GRB10: variants seen among roughly 807,000 people sequenced by gnomAD.
GRB10 encodes the protein growth factor receptor bound protein 10.
Under a neutral mutation model 80.9 loss-of-function variants are expected in GRB10, and 20 were observed. The ratio of observed to expected loss-of-function variants is 0.25; its 90% CI spans 0.17 to 0.36. The LOEUF is 0.36. Ranked by LOEUF, GRB10 falls within the 10% of genes least tolerant of loss-of-function variation. The pLI, the probability that GRB10 is intolerant of heterozygous loss-of-function variation, is 1.00. For missense variants in GRB10, 548 were observed against 747.7 expected (o/e 0.73, Z 3.12); for synonymous variants, 291 against 291.5 (o/e 1.00, Z 0.02).
rs181559438 is a variant in GRB10, at chr7:50,751,882, C to T, written c.-47+4005G>A. On this transcript the variant is annotated intron_variant, in intron 3 of 18. Transcript: ENST00000401949. ...GAATTAGTGAATGGTGAGTCTTTGG[C>T]CCTAGGGGAAATACAGAGTTAGGTT... Among the ~76,000 whole-genome samples, 6 of 152,288 alleles carry T rather than the reference C, an allele frequency of 3.9e-5. No homozygotes were observed. The East Asian group carries it at 1.2e-3, about 29-fold the overall frequency.
intron 6 of GRB10, among the ~76,000 whole-genome samples, chr7:50,670,740 T>C (rs2060274409): frequency 6.6e-6 from 1 of 152,166 alleles, no homozygotes; most frequent in Non-Finnish European, 1.5e-5. Context: ...CAAATGAAAA[T>C]ACAAGAAAAG....
chr7:50,787,594 C>A (rs942683790), upstream of GRB10, among the ~76,000 whole-genome samples: 1 of 151,986 alleles, frequency 6.6e-6, no homozygotes, highest in African/African-American at 2.4e-5. Flanking sequence ...ACAGGGACAG[C>A]CTGTGTCCAC....
chr7:50,657,106 A>G (rs1401023926), intron 7 of GRB10, among the ~76,000 whole-genome samples: 1 of 152,256 alleles, frequency 6.6e-6, no homozygotes, highest in Non-Finnish European at 1.5e-5. Context: ...GACCACACTA[A>G]GAAACACAGA....
intron 7 of GRB10, among the ~76,000 whole-genome samples, chr7:50,656,889 TA>T (rs1323934307): frequency 3.9e-5 from 6 of 152,198 alleles, no homozygotes; most frequent in African/African-American, 1.4e-4. Context: ...CTCAACCTTT[TA>T]GTAGGAATCT....
intron 7 of GRB10, among the ~76,000 whole-genome samples, chr7:50,641,289 G>A (rs1191834470): frequency 2.6e-5 from 4 of 151,758 alleles, no homozygotes; most frequent in Non-Finnish European, 5.9e-5. Flanking sequence ...TGGGGGGGTA[G>A]CCTTCATTCA....
At chr7:50,703,091 C>G (rs1039758997) in intron 5 of GRB10, among the ~76,000 whole-genome samples, 5 of 152,244 alleles carry the variant, frequency 3.3e-5, no homozygotes, top group Non-Finnish European at 5.9e-5. Context: ...TTTTATGAAT[C>G]TTCTAACAAT....
intron 11 of GRB10, 145 bp from the exon 12 acceptor site, chr7:50,615,025 G>A (rs2050319764): frequency 1.5e-6 from 1 of 689,656 alleles, no homozygotes; most frequent in Non-Finnish European, 2.7e-6. Context: ...ATTACGCGAG[G>A]TGTAATAAGT....
At chr7:50,710,103 C>A (rs183453709) in intron 4 of GRB10, among the ~76,000 whole-genome samples, 1 of 152,220 alleles carries the variant, frequency 6.6e-6, no homozygotes, top group African/African-American at 2.4e-5. Flanking sequence ...CTCTGACAAC[C>A]CCAACGAAAA....
At chr7:50,652,275 T>C (rs894861932) in intron 7 of GRB10, among the ~76,000 whole-genome samples, 1 of 152,196 alleles carries the variant, frequency 6.6e-6, no homozygotes, top group Non-Finnish European at 1.5e-5. Context: ...ACCCGTTAAG[T>C]ACCTGAGACC....
intron 5 of GRB10, among the ~76,000 whole-genome samples, chr7:50,679,775 T>C (rs774396454): frequency 1.1e-4 from 16 of 152,220 alleles, no homozygotes; most frequent in Non-Finnish European, 2.4e-4. Context: ...CTCTAACACA[T>C]GTGCAAAAGC....
intron 7 of GRB10, among the ~76,000 whole-genome samples, chr7:50,638,334 T>C (rs1249500343): frequency 6.6e-6 from 1 of 152,076 alleles, no homozygotes; most frequent in East Asian, 1.9e-4. Context: ...GAGAAAATAT[T>C]TGCAAATTAT....
In GRB10 at chr7:50,592,686, C is replaced by G; in HGVS notation, c.*266G>C. ...AGCGGCCCAAGCCAAGATGATCATTCCAGTTTATTTTCAACTTTCCGCTGG... is the reference window on the plus strand; with the variant it reads ...AGCGGCCCAAGCCAAGATGATCATTGCAGTTTATTTTCAACTTTCCGCTGG... On this transcript the variant is annotated 3_prime_UTR_variant, in exon 19 of 19. Coordinates refer to ENST00000401949, the MANE Select transcript of GRB10 (RefSeq NM_001350814.2). The G allele has an allele frequency of 1.9e-6, 1 of 523,690 alleles. No homozygotes were observed. Among genetic ancestry groups the G allele is most frequent in the South Asian group, 2.1e-5 (1 of 47,996 alleles). The allele number at this position is 523,690 out of a possible 1,614,324, so 32.4% of individuals were successfully genotyped here. A position where few individuals can be genotyped will look rare whatever the true frequency, so the allele number is the denominator to read the frequency against.
intron 5 of GRB10, among the ~76,000 whole-genome samples, chr7:50,678,150 C>T (rs542543126): frequency 1.3e-5 from 2 of 152,318 alleles, no homozygotes; most frequent in East Asian, 3.9e-4. Flanking sequence ...CCAGATCATT[C>T]CTGGGTCATA....
At chr7:50,684,330 A>G (rs1278224347) in intron 5 of GRB10, among the ~76,000 whole-genome samples, 3 of 52,214 alleles carry the variant, frequency 5.7e-5, no homozygotes, top group Non-Finnish European at 1.5e-4. Flanking sequence ...GATTCCAGTG[A>G]GATTTTTTTT....
chr7:50,688,017 G>T (rs1239724130), intron 5 of GRB10, among the ~76,000 whole-genome samples: 1 of 152,204 alleles, frequency 6.6e-6, no homozygotes, highest in Non-Finnish European at 1.5e-5. Context: ...ACCGTGGAGG[G>T]GAGGGAGGAA....
chr7:50,768,717 C>T (rs898242971), intron 2 of GRB10, among the ~76,000 whole-genome samples: 1 of 152,186 alleles, frequency 6.6e-6, no homozygotes, highest in African/African-American at 2.4e-5. Context: ...TTGTGGCAAG[C>T]ATGACCGACC....
At chr7:50,771,767 C>T (rs530379586) in intron 2 of GRB10, among the ~76,000 whole-genome samples, 2 of 152,224 alleles carry the variant, frequency 1.3e-5, no homozygotes, top group Non-Finnish European at 2.9e-5. Context: ...GCAACGTCCT[C>T]CTCTCTCTGC....
At chr7:50,702,295 T>G (rs1563509839) in intron 5 of GRB10, among the ~76,000 whole-genome samples, 1 of 152,210 alleles carries the variant, frequency 6.6e-6, no homozygotes, top group Admixed American at 6.5e-5. Flanking sequence ...CTGGATACGG[T>G]GGGCCTGGCT....
At chr7:50,718,313 C>A (rs1383257359) in intron 4 of GRB10, among the ~76,000 whole-genome samples, 1 of 152,158 alleles carries the variant, frequency 6.6e-6, no homozygotes, top group Non-Finnish European at 1.5e-5. Context: ...ACCTTCACCT[C>A]CCTGAATGCC....
Sources: gnomAD v4.1 joint callset for allele counts (sites outside exome capture counted in the v4.1 genomes callset) on GRCh38, gnomAD v4.1.1 for gene constraint, MANE v1.5 for transcripts, NCBI Gene and HGNC (gene_info 2026-07-23, HGNC 2026-07-21) for gene names.